Variants in LHFPL3 observed in about 807,000 individuals in gnomAD.
LHFPL3 encodes the protein LHFPL tetraspan subfamily member 3 protein.
In LHFPL3, 5 loss-of-function variants were observed where a neutral mutation model predicts 19.3. That is an observed-to-expected ratio of 0.26 (90% confidence interval 0.14 to 0.54). LHFPL3 has a LOEUF of 0.54. Among genes scored for constraint, LHFPL3 ranks in the 20% least tolerant of loss-of-function variants. The pLI, the probability that LHFPL3 is intolerant of heterozygous loss-of-function variation, is 0.94. For missense variants in LHFPL3, 249 were observed against 307.4 expected, an observed-to-expected ratio of 0.81 and a Z score of 1.42; for synonymous variants, 133 against 126.2, an observed-to-expected ratio of 1.05 and a Z score of -0.36.
intron 1 of LHFPL3, among the ~76,000 whole-genome samples, chr7:104,462,179 C>T (rs890150914): frequency 6.6e-6 from 1 of 152,178 alleles, no homozygotes; most frequent in Admixed American, 6.5e-5. Flanking sequence ...AGAATCATGT[C>T]ATCTGCAAAC....
chr7:104,664,005 G>T (rs1013121453), intron 1 of LHFPL3, among the ~76,000 whole-genome samples: 2 of 152,204 alleles, frequency 1.3e-5, no homozygotes, highest in African/African-American at 4.8e-5. Context: ...TTTTTTAGGG[G>T]TGTGTCCCTT....
rs1377044318 is a variant in LHFPL3 at position 104,807,011 on chromosome 7, A to ATATGTGTGTGTGTG, written c.682+70101_682+70102insATGTGTGTGTGTGT. Among the ~76,000 whole-genome samples the ATATGTGTGTGTGTG allele has an allele frequency of 1.2e-3, 171 of 139,760 alleles. 1 individual carries two copies. The highest frequency in any genetic ancestry group is 3.6e-3 in the Middle Eastern group (1 of 280). The allele number at this position is 139,760 out of a possible 152,430, so 91.7% of individuals were successfully genotyped here. A position where few individuals can be genotyped will look rare whatever the true frequency, so the allele number is the denominator to read the frequency against. The stretch of plus-strand genomic sequence containing the variant: ...TGAATTGTGCCCCACCAAAATATAT[A>ATATGTGTGTGTGTG]TGTGTGTGTGTGTGTGTGTGTGTGT... On this transcript the variant is annotated intron_variant, in intron 2 of 2. Transcript: ENST00000424859.
intron 2 of LHFPL3, among the ~76,000 whole-genome samples, chr7:104,856,324 C>T (rs1383831870): frequency 1.2e-4 from 18 of 148,458 alleles, no homozygotes; most frequent in Admixed American, 1.4e-4. Context: ...CATCTTGGCT[C>T]ACCACAACCT....
intron 2 of LHFPL3, among the ~76,000 whole-genome samples, chr7:104,813,822 T>C (rs1790518147): frequency 6.6e-6 from 1 of 152,202 alleles, no homozygotes; most frequent in Admixed American, 6.5e-5. Flanking sequence ...ATGCCAGGAA[T>C]TGCAGGGCCT....
At position 104,575,975 on chromosome 7, in the gene LHFPL3, G is replaced by A. The variant is rs149641840; in HGVS notation, c.446-160700G>A. The stretch of plus-strand genomic sequence containing the variant: ...TCTTGTATTCCTAGCTCTTCCATCT[G>A]TTTAATATGTCCCTCTCCTGAGGGC... On this transcript the variant is annotated intron_variant, in intron 1 of 2. Coordinates refer to ENST00000424859, the MANE Select transcript of LHFPL3 (RefSeq NM_199000.3). 2.8e-4 allele frequency among the ~76,000 whole-genome samples: 43 copies of A among 152,206 alleles called. No individual in the cohort carries two copies. The East Asian group carries it at 7.9e-3, about 28-fold the overall frequency.
chr7:104,640,946 A>C (rs6951477), intron 1 of LHFPL3, among the ~76,000 whole-genome samples: 13,384 of 152,232 alleles, frequency 0.088, 765 homozygotes, highest in Non-Finnish European at 0.12. Flanking sequence ...TTGATTTTGA[A>C]ACGTATTACA....
intron 2 of LHFPL3, among the ~76,000 whole-genome samples, chr7:104,893,070 G>C (rs1192778251): frequency 6.6e-6 from 1 of 151,992 alleles, no homozygotes; most frequent in African/African-American, 2.4e-5. Context: ...TAATTAGCCA[G>C]GCATTTGATT....
intron 1 of LHFPL3, among the ~76,000 whole-genome samples, chr7:104,665,962 A>C (rs564114801): frequency 6.6e-6 from 1 of 152,314 alleles, no homozygotes; most frequent in Admixed American, 6.5e-5. Context: ...CTCCAAACTC[A>C]TTGCAGGTAT....
Position 104,906,367 on chromosome 7 carries a change from C to A in LHFPL3, c.*152C>A. ...GAACAAGAATGGAACATTCACTTGT[C>A]AACGCACTTTCTAAATCTAGATCAG... On this transcript the variant is annotated 3_prime_UTR_variant, in exon 3 of 3. Coordinates refer to ENST00000424859, the MANE Select transcript of LHFPL3 (RefSeq NM_199000.3). The A allele has an allele frequency of 1.1e-6, 1 of 872,728 alleles. No individual in the cohort carries two copies. Among genetic ancestry groups the A allele is most frequent in the Non-Finnish European group, 1.7e-6 (1 of 574,078 alleles). 54.1% of individuals were successfully genotyped at this position (872,728 alleles called of 1,614,324 possible). A position where few individuals can be genotyped will look rare whatever the true frequency, so the allele number is the denominator to read the frequency against.
chr7:104,588,155 C>T (rs1331723227), intron 1 of LHFPL3, among the ~76,000 whole-genome samples: 2 of 152,034 alleles, frequency 1.3e-5, no homozygotes, highest in Non-Finnish European at 2.9e-5. Flanking sequence ...TTTTTGTTGC[C>T]ATTGCTTTTT....
intron 2 of LHFPL3, among the ~76,000 whole-genome samples, chr7:104,865,687 A>C (rs962408684): frequency 6.6e-6 from 1 of 152,204 alleles, no homozygotes; most frequent in Non-Finnish European, 1.5e-5. Context: ...CCAATTTAGC[A>C]AGGCAGGCCA....
intron 1 of LHFPL3, among the ~76,000 whole-genome samples, chr7:104,466,870 A>T (rs974197734): frequency 6.6e-6 from 1 of 152,230 alleles, no homozygotes; most frequent in Non-Finnish European, 1.5e-5. Context: ...TCTGATTTCC[A>T]TGCTTTTCTT....
intron 2 of LHFPL3, among the ~76,000 whole-genome samples, chr7:104,814,149 G>C (rs1017467479): frequency 6.6e-6 from 1 of 152,028 alleles, no homozygotes; most frequent in Non-Finnish European, 1.5e-5. Context: ...ATAAGTGTTC[G>C]GCTCCTAGCA....
chr7:104,885,559 G>A (rs1041923426), intron 2 of LHFPL3, among the ~76,000 whole-genome samples: 11 of 151,884 alleles, frequency 7.2e-5, no homozygotes, highest in South Asian at 2.1e-4. Flanking sequence ...GTAACCTATC[G>A]CCAAATCCTA....
At chr7:104,814,031 T>C (rs753569215) in intron 2 of LHFPL3, among the ~76,000 whole-genome samples, 14 of 152,190 alleles carry the variant, frequency 9.2e-5, no homozygotes, top group Non-Finnish European at 1.9e-4. Flanking sequence ...GAATGAGGTA[T>C]GCAGACAAGT....
chr7:104,519,450 A>G (rs1455409284), intron 1 of LHFPL3, among the ~76,000 whole-genome samples: 1 of 152,176 alleles, frequency 6.6e-6, no homozygotes, highest in African/African-American at 2.4e-5. Context: ...TTAAATGATG[A>G]CATTCCTGAC....
intron 1 of LHFPL3, among the ~76,000 whole-genome samples, chr7:104,530,749 C>T (rs1462079613): frequency 6.6e-6 from 1 of 152,148 alleles, no homozygotes; most frequent in South Asian, 2.1e-4. Context: ...GTAATAGAAG[C>T]ACTAAAATCT....
At chr7:104,360,887 T>C (rs997687941) in intron 1 of LHFPL3, among the ~76,000 whole-genome samples, 1 of 152,214 alleles carries the variant, frequency 6.6e-6, no homozygotes, top group Non-Finnish European at 1.5e-5. Flanking sequence ...GGGCAAACGA[T>C]AGCCCATGGG....
intron 2 of LHFPL3, among the ~76,000 whole-genome samples, chr7:104,823,008 C>T (rs936023522): frequency 1.3e-5 from 2 of 152,098 alleles, no homozygotes; most frequent in South Asian, 2.1e-4. Context: ...GAGCCGTACG[C>T]TCTGCATGAA....
Sources: allele counts gnomAD v4.1 joint callset (sites outside exome capture counted in the v4.1 genomes callset), GRCh38; gene constraint gnomAD v4.1.1; transcripts MANE v1.5; gene names NCBI Gene and HGNC (gene_info 2026-07-23, HGNC 2026-07-21).